The following WNK2 variants were observed in gnomAD, a reference collection of about 807,000 sequenced individuals.
The protein encoded by WNK2 is WNK lysine deficient protein kinase 2, also known as serine/threonine-protein kinase WNK2.
A neutral mutation model predicts 192.1 loss-of-function variants in WNK2; 67 were observed. The observed-to-expected ratio is 0.35, with a 90% CI of 0.29 to 0.43. WNK2 has a LOEUF of 0.43. Ranked by LOEUF, WNK2 falls within the 20% of genes least tolerant of loss-of-function variation. The pLI, the probability that WNK2 is intolerant of heterozygous loss-of-function variation, is 1.00. For missense variants in WNK2, 2,698 were observed against 3,089.7 expected (o/e 0.87, Z 3.01); for synonymous variants, 1,439 against 1,393.9 (o/e 1.03, Z -0.72).
At chr9:93,213,296 A>C (rs1322113337) in intron 2 of WNK2, among the ~76,000 whole-genome samples, 1 of 152,088 alleles carries the variant, frequency 6.6e-6, no homozygotes, top group East Asian at 1.9e-4. Flanking sequence ...TGCTCATTCC[A>C]CCTGTCATTT....
At position 93,263,624 on chromosome 9, in the gene WNK2, T is replaced by C; in HGVS notation, c.3469T>C (p.Phe1157Leu). The change falls in exon 15 of 30, where the codon TTT (phenylalanine) becomes CTT (leucine). Residue 1157 changes from phenylalanine (F) to leucine (L), a missense_variant. Phe to Leu is a conservative substitution (Grantham distance 22, BLOSUM62 0). Coordinates refer to ENST00000427277, the MANE Select transcript of WNK2 (RefSeq NM_006648.4). ...KELSDSCEGAFGGGRLEGRAA... is the reference protein window; with the variant it reads ...KELSDSCEGALGGGRLEGRAA... Reference sequence around the variant, plus strand: ...GCTGAGTGACAGCTGTGAAGGCGCCTTTGGAGGGGGCAGGCTGGAGGGCAG... The same window carrying C: ...GCTGAGTGACAGCTGTGAAGGCGCCCTTGGAGGGGGCAGGCTGGAGGGCAG... The C allele has an allele frequency of 1.2e-6, 2 of 1,608,758 alleles. No individual in the cohort carries two copies. The highest frequency in any genetic ancestry group is 8.5e-7 in the Non-Finnish European group (1 of 1,178,656).
intron 2 of WNK2, among the ~76,000 whole-genome samples, chr9:93,227,770 G>GACTACAGCTAC (rs1313177652): frequency 3.3e-5 from 5 of 152,104 alleles, no homozygotes; most frequent in Non-Finnish European, 5.9e-5. Flanking sequence ...GAGTAGCTGG[G>GACTACAGCTAC]ACTACAGGTG....
intron 5 of WNK2, among the ~76,000 whole-genome samples, chr9:93,236,473 C>T (rs1045451138): frequency 6.6e-6 from 1 of 152,204 alleles, no homozygotes. Context: ...AAGGCTAAAT[C>T]GTGTTGAAGG....
At chr9:93,237,872 G>A (rs1165638304) in intron 5 of WNK2, among the ~76,000 whole-genome samples, 2 of 144,202 alleles carry the variant, frequency 1.4e-5, no homozygotes, top group Non-Finnish European at 3.0e-5. Flanking sequence ...TTTTTTTTTT[G>A]CTGTATGTTC....
rs549275802 is a variant in WNK2, at chr9:93,274,454, G to A, written c.4033+5708G>A. Among the ~76,000 whole-genome samples the A allele has an allele frequency of 6.0e-5, 9 of 150,260 alleles. No individual in the cohort carries two copies. The South Asian group carries it at 1.2e-3, about 21-fold the overall frequency. On this transcript the variant is annotated intron_variant, in intron 19 of 29. Transcript: ENST00000427277. ...GTGAACCCAGGAGGTGGAGCTTGCCGTGAGTCGAGATCGTGCCACTGCACT... is the reference window on the plus strand; with the variant it reads ...GTGAACCCAGGAGGTGGAGCTTGCCATGAGTCGAGATCGTGCCACTGCACT...
chr9:93,224,825 T>C (rs1837530139), intron 2 of WNK2, among the ~76,000 whole-genome samples: 1 of 152,166 alleles, frequency 6.6e-6, no homozygotes, highest in Non-Finnish European at 1.5e-5. Context: ...CGCCTCTGAC[T>C]CAACACCAAA....
chr9:93,200,766 G>A lies in WNK2; in HGVS notation c.681+15156G>A, dbSNP rs574785074. Among the ~76,000 whole-genome samples, 3 of 152,270 alleles carry A rather than the reference G, an allele frequency of 2.0e-5. No homozygotes were observed. In the South Asian group the frequency reaches 6.2e-4, roughly 32 times the overall value. On this transcript the variant is annotated intron_variant, in intron 2 of 29. Coordinates refer to ENST00000427277, the MANE Select transcript of WNK2 (RefSeq NM_006648.4). ...GTTGCAGGTGGGTTCTGTACAGACGGCCACCTGCGCCATTTGTAAAAAGAG... is the reference window on the plus strand; with the variant it reads ...GTTGCAGGTGGGTTCTGTACAGACGACCACCTGCGCCATTTGTAAAAAGAG...
At chr9:93,295,465 G>A (rs1850101537) in intron 23 of WNK2, among the ~76,000 whole-genome samples, 1 of 151,924 alleles carries the variant, frequency 6.6e-6, no homozygotes, top group African/African-American at 2.4e-5. Flanking sequence ...AAAACAAAAA[G>A]CCTATGTGGC....
Position 93,281,971 on chromosome 9 carries a change from A to T in WNK2, c.4034-6817A>T, listed in dbSNP as rs192160641. Among the ~76,000 whole-genome samples, 24 of 152,358 alleles carry T rather than the reference A, an allele frequency of 1.6e-4. No homozygotes were observed. In the East Asian group the frequency reaches 4.0e-3, roughly 26 times the overall value. On this transcript the variant is annotated intron_variant, in intron 19 of 29. Transcript: ENST00000427277. ...TTCACAGCTCAATTAAAGAAATACT[A>T]AAGGGAATATTTTTAGACAGAAGAA... is the stretch of plus-strand genomic sequence containing the variant.
In WNK2 at chr9:93,256,952, C is replaced by T. The variant is rs1323065415; in HGVS notation, c.2195C>T (p.Pro732Leu). 14 of 1,562,710 alleles carry T rather than the reference C, an allele frequency of 9.0e-6. No homozygotes were observed. The highest frequency in any genetic ancestry group is 1.2e-5 in the Non-Finnish European group (14 of 1,160,492). Reference protein sequence around the residue: ...GQPAPPGQQPPPLAQPTPLPQ... With the variant: ...GQPAPPGQQPLPLAQPTPLPQ... ...AGCTACCTTCTCTCCCTCTAGCCTC[C>T]TCCGCTGGCCCAGCCGACACCCCTG... The change falls in exon 11 of 30, where the codon CCT (proline) becomes CTT (leucine). Residue 732 changes from proline to leucine, a missense_variant. Transcript: ENST00000427277.
chr9:93,318,759 A>G, intron 29 of WNK2: 2 of 1,415,994 alleles, frequency 1.4e-6, no homozygotes, highest in African/African-American at 1.4e-5. Flanking sequence ...TGCTCTGCGG[A>G]GGGCGGGGTC....
chr9:93,210,766 A>G (rs1351586969), intron 2 of WNK2, among the ~76,000 whole-genome samples: 1 of 152,100 alleles, frequency 6.6e-6, no homozygotes, highest in Non-Finnish European at 1.5e-5. Context: ...GGGCACCATC[A>G]TGGTCATTTG....
At chr9:93,282,198 A>G (rs1025589732) in intron 19 of WNK2, among the ~76,000 whole-genome samples, 1 of 152,242 alleles carries the variant, frequency 6.6e-6, no homozygotes, top group African/African-American at 2.4e-5. Context: ...CCAGGATTCC[A>G]TGTTGCCTAG....
At chr9:93,190,815 G>A (rs1430750126) in intron 2 of WNK2, among the ~76,000 whole-genome samples, 2 of 152,212 alleles carry the variant, frequency 1.3e-5, no homozygotes, top group South Asian at 2.1e-4. Flanking sequence ...CGGGTCACCC[G>A]CGTCTCCAGG....
intron 2 of WNK2, among the ~76,000 whole-genome samples, chr9:93,206,906 A>C (rs1439901941): frequency 1.3e-5 from 2 of 152,112 alleles, no homozygotes; most frequent in Non-Finnish European, 2.9e-5. Flanking sequence ...GAGGGGAGGC[A>C]GTGTGTTTTG....
chr9:93,195,663 C>T (rs1831107568), intron 2 of WNK2, among the ~76,000 whole-genome samples: 1 of 127,316 alleles, frequency 7.9e-6, no homozygotes, highest in African/African-American at 3.1e-5. Flanking sequence ...CGTGCCACTG[C>T]ACTCCAGCCT....
intron 3 of WNK2, among the ~76,000 whole-genome samples, chr9:93,230,111 G>A (rs1325774577): frequency 6.6e-6 from 1 of 152,160 alleles, no homozygotes; most frequent in African/African-American, 2.4e-5. Flanking sequence ...GAGCCAGCCC[G>A]GCACATACTC....
chr9:93,247,881 C>T lies in WNK2; in HGVS notation c.1834+47C>T, dbSNP rs1461019546. On this transcript the variant is annotated intron_variant, in intron 8 of 29. Coordinates refer to ENST00000427277, the MANE Select transcript of WNK2 (RefSeq NM_006648.4). This position sits in a 1 kb window ranked among gnomAD's most constrained non-coding sequence, Gnocchi z 5.2. The stretch of plus-strand genomic sequence containing the variant: ...GGCCATGGGCACCCCTCCCACCTAC[C>T]CTGCAAAAACCAGCTATTGGGCAAA... 6.6e-7 allele frequency: 1 copy of T among 1,507,036 alleles called. No homozygotes were observed. The highest frequency in any genetic ancestry group is 1.4e-5 in the African/African-American group (1 of 71,882). 93.4% of individuals were successfully genotyped at this position (1,507,036 alleles called of 1,614,324 possible).
intron 7 of WNK2, among the ~76,000 whole-genome samples, chr9:93,240,236 T>C (rs922917402): frequency 9.2e-5 from 14 of 152,148 alleles, no homozygotes; most frequent in Non-Finnish European, 2.9e-5. Flanking sequence ...TCCGAGCCAG[T>C]GCAGTGCGGG....
Sources: allele counts gnomAD v4.1 joint callset (sites outside exome capture counted in the v4.1 genomes callset), GRCh38; gene constraint gnomAD v4.1.1; non-coding constraint Gnocchi (gnomAD v3.1); transcripts MANE v1.5; gene names NCBI Gene and HGNC (gene_info 2026-07-23, HGNC 2026-07-21).